Variants in UBE3C observed in about 807,000 individuals in gnomAD.
UBE3C encodes ubiquitin protein ligase E3C.
In UBE3C, 42 loss-of-function variants were observed where a neutral mutation model predicts 129.4. That is an observed-to-expected ratio of 0.32 (90% confidence interval 0.25 to 0.42). The LOEUF (loss-of-function observed/expected upper bound fraction) is 0.42. UBE3C is among the 10% of genes least tolerant of loss of function. The pLI is 1.00. For missense variants in UBE3C, 1,049 were observed against 1,319.1 expected (o/e 0.80, Z 3.17); for synonymous variants, 510 against 492.4 (o/e 1.04, Z -0.47).
At chr7:157,193,512 A>T (rs1251168459) in intron 10 of UBE3C, among the ~76,000 whole-genome samples, 1 of 152,180 alleles carries the variant, frequency 6.6e-6, no homozygotes, top group Non-Finnish European at 1.5e-5. Context: ...TGAATTTATG[A>T]CCCGGCTTAC....
At chr7:157,197,306 CAAACA>C (rs2116973403) in intron 10 of UBE3C, among the ~76,000 whole-genome samples, 1 of 152,204 alleles carries the variant, frequency 6.6e-6, no homozygotes, top group Non-Finnish European at 1.5e-5. Flanking sequence ...TTTTTTTCTG[CAAACA>C]AAACATTAAC....
At chr7:157,223,960 A>T (rs1795805574) in intron 16 of UBE3C, among the ~76,000 whole-genome samples, 1 of 152,054 alleles carries the variant, frequency 6.6e-6, no homozygotes, top group South Asian at 2.1e-4. Context: ...GAAAAAGCAA[A>T]TTTTTTGTGA....
chr7:157,243,419 C>T (rs1796396892), intron 18 of UBE3C, among the ~76,000 whole-genome samples: 1 of 152,196 alleles, frequency 6.6e-6, no homozygotes, highest in African/African-American at 2.4e-5. Context: ...CAGAGTTGCT[C>T]TTTTTCTCTG....
intron 10 of UBE3C, among the ~76,000 whole-genome samples, chr7:157,190,742 T>C (rs552600107): frequency 6.6e-6 from 1 of 152,350 alleles, no homozygotes; most frequent in Admixed American, 6.5e-5. Context: ...TCACATTCCT[T>C]GGATTATTGA....
chr7:157,139,783 A>G (rs1051984871), intron 1 of UBE3C, among the ~76,000 whole-genome samples: 3 of 152,210 alleles, frequency 2.0e-5, no homozygotes, highest in Non-Finnish European at 2.9e-5. Flanking sequence ...TCGCTCCCGC[A>G]TGGCATCAGG....
intron 4 of UBE3C, among the ~76,000 whole-genome samples, chr7:157,173,542 C>A (rs1338517654): frequency 6.6e-6 from 1 of 151,982 alleles, no homozygotes; most frequent in Non-Finnish European, 1.5e-5. Context: ...GCTATTTCTT[C>A]CTCACCTCCT....
At chr7:157,209,211 C>G (rs151037730) in intron 13 of UBE3C, among the ~76,000 whole-genome samples, 1 of 152,178 alleles carries the variant, frequency 6.6e-6, no homozygotes, top group African/African-American at 2.4e-5. Flanking sequence ...TCCAAGTCCA[C>G]GAGAGTCTCT....
chr7:157,254,962 TGCAGTCCCGGCGTGGTGGCGTACAC>T (rs879491840), intron 21 of UBE3C, among the ~76,000 whole-genome samples: 161 of 131,772 alleles, frequency 1.2e-3, no homozygotes, highest in African/African-American at 4.0e-3. Context: ...GGCGTACACC[TGCAGTCCCGGCGTGGTGGCGTACAC>T]CTGCAGTCCC....
intron 11 of UBE3C, among the ~76,000 whole-genome samples, chr7:157,202,691 CT>C (rs1203572459): frequency 2.0e-5 from 3 of 152,142 alleles, no homozygotes; most frequent in East Asian, 3.8e-4. Flanking sequence ...GCCAATCCCC[CT>C]GTGCTGTAAT....
At position 157,207,476 on chromosome 7, in the gene UBE3C, CTT is replaced by C. The variant is rs1295477001; in HGVS notation, c.1500_1501del (p.Phe500LeufsTer4). The C allele has an allele frequency of 1.2e-6, 2 of 1,613,730 alleles. No individual in the cohort carries two copies. The highest frequency in any genetic ancestry group is 8.5e-7 in the Non-Finnish European group (1 of 1,179,998). ...FEDSSRIIPL[F>X]YLFSSLFSHS... ...AAGATTCTAGTCGAATCATCCCACT[CTT>C]TTATCTTTTTAGCTCCTTGTTTAGT... On this transcript the variant is annotated frameshift_variant, in exon 12 of 23. Transcript: ENST00000348165. LOFTEE classifies it high-confidence loss of function.
In UBE3C at chr7:157,206,605, T is replaced by C. The variant is rs184858235; in HGVS notation, c.1419-793T>C. ...TTTTTCCTTAATATTTTAAACTTCT[T>C]TGAAACAGAGTCTGGCTCTGTTCCC... On this transcript the variant is annotated intron_variant, in intron 11 of 22. Transcript: ENST00000348165. 3.3e-5 allele frequency among the ~76,000 whole-genome samples: 5 copies of C among 152,012 alleles called. No homozygotes were observed. In the East Asian group the frequency reaches 9.7e-4, roughly 29 times the overall value.
chr7:157,198,063 C>G, intron 10 of UBE3C: 1 of 1,610,424 alleles, frequency 6.2e-7, no homozygotes, highest in Non-Finnish European at 8.5e-7. Context: ...GGGGATCTCT[C>G]CTCTTTTAAC....
intron 1 of UBE3C, chr7:157,140,087 G>A: frequency 1.3e-5 from 13 of 965,794 alleles, no homozygotes; most frequent in Non-Finnish European, 1.6e-5. Flanking sequence ...CTAGCTGTCT[G>A]TCCCTGAAGA....
chr7:157,202,589 G>T (rs541721176), intron 11 of UBE3C, among the ~76,000 whole-genome samples: 2 of 152,176 alleles, frequency 1.3e-5, no homozygotes, highest in African/African-American at 4.8e-5. Context: ...CCTGGAAGGC[G>T]GAGGTTGCAG....
intron 8 of UBE3C, among the ~76,000 whole-genome samples, chr7:157,182,766 G>C (rs570477855): frequency 4.0e-5 from 6 of 151,772 alleles, no homozygotes; most frequent in African/African-American, 1.5e-4. Context: ...GGTGCGGGGG[G>C]GTATATAGAG....
At chr7:157,242,792 C>T (rs1421389894) in intron 18 of UBE3C, among the ~76,000 whole-genome samples, 1 of 152,052 alleles carries the variant, frequency 6.6e-6, no homozygotes, top group East Asian at 1.9e-4. Context: ...TCTGGTGGCT[C>T]AAGCCTGTAA....
chr7:157,158,715 A>C (rs1807985349), intron 1 of UBE3C, among the ~76,000 whole-genome samples: 1 of 152,228 alleles, frequency 6.6e-6, no homozygotes, highest in Non-Finnish European at 1.5e-5. Context: ...GAACTCAGCT[A>C]ATCCTTTGCT....
intron 9 of UBE3C, 97 bp downstream of exon 9, chr7:157,184,126 A>G (rs1586670991): frequency 6.7e-7 from 1 of 1,493,004 alleles, no homozygotes; most frequent in East Asian, 2.3e-5. Flanking sequence ...TACACAAGTC[A>G]GACCCTCAAG....
chr7:157,229,673 G>A (rs1011517227), intron 17 of UBE3C, among the ~76,000 whole-genome samples: 1 of 152,040 alleles, frequency 6.6e-6, no homozygotes, highest in African/African-American at 2.4e-5. Context: ...TTTCAGCCAG[G>A]CTGGAGTGCA....
Sources: gnomAD v4.1 joint callset for allele counts (sites outside exome capture counted in the v4.1 genomes callset) on GRCh38, gnomAD v4.1.1 for gene constraint, MANE v1.5 for transcripts, NCBI Gene and HGNC (gene_info 2026-07-23, HGNC 2026-07-21) for gene names.